The following BTAF1 variants were observed in gnomAD, a reference collection of about 807,000 sequenced individuals.
BTAF1 encodes TATA-binding protein-associated factor 172.
A neutral mutation model predicts 227.1 loss-of-function variants in BTAF1; 38 were observed. The observed-to-expected ratio is 0.17, with a 90% CI of 0.13 to 0.22. BTAF1 has a LOEUF of 0.22. Among genes scored for constraint, BTAF1 ranks in the 10% least tolerant of loss-of-function variants. BTAF1 has a pLI of 1.00. For synonymous variants in BTAF1, 742 were observed against 751.9 expected (o/e 0.99, Z 0.21); for missense variants, 1,598 against 2,204.0 (o/e 0.73, Z 5.51).
intron 13 of BTAF1, among the ~76,000 whole-genome samples, chr10:91,965,254 C>A (rs1846819358): frequency 6.6e-6 from 1 of 151,970 alleles, no homozygotes; most frequent in Non-Finnish European, 1.5e-5. Context: ...ATGTGAAAGC[C>A]CTCTTTAAGC....
intron 22 of BTAF1, 26 bp from the exon 23 acceptor site, chr10:91,994,509 A>G: frequency 6.5e-7 from 1 of 1,538,380 alleles, no homozygotes; most frequent in East Asian, 2.3e-5. Flanking sequence ...TATTTGCCAG[A>G]TAATACAGAC....
chr10:91,996,268 C>A, intron 23 of BTAF1, 101 bp from the exon 24 acceptor site: 1 of 933,018 alleles, frequency 1.1e-6, no homozygotes, highest in Non-Finnish European at 1.6e-6. Context: ...TTTTTAGAGT[C>A]ACTTAGAATA....
At chr10:92,025,243 C>CT (rs888157678) in intron 35 of BTAF1, among the ~76,000 whole-genome samples, 6 of 152,140 alleles carry the variant, frequency 3.9e-5, no homozygotes, top group African/African-American at 1.4e-4. Context: ...AGGATAACTA[C>CT]TTTCCCCCTT....
In BTAF1 at chr10:92,024,748, T is replaced by A; in HGVS notation, c.4864-8T>A. 6.3e-7 allele frequency: 1 copy of A among 1,587,908 alleles called. No homozygotes were observed. The highest frequency in any genetic ancestry group is 8.5e-7 in the Non-Finnish European group (1 of 1,172,724). The stretch of plus-strand genomic sequence containing the variant: ...GCTTATGTAGTTTTTTTTTTTTTTC[T>A]TCCTAAGTTGCTGTTGGACTGCGGT... On this transcript the variant is annotated splice_polypyrimidine_tract_variant and splice_region_variant and intron_variant, in intron 34 of 37. Coordinates refer to ENST00000265990, the MANE Select transcript of BTAF1 (RefSeq NM_003972.3).
At chr10:91,969,373 A>C (rs771333604) in intron 14 of BTAF1, among the ~76,000 whole-genome samples, 7 of 152,172 alleles carry the variant, frequency 4.6e-5, no homozygotes, top group African/African-American at 7.2e-5. Flanking sequence ...AATGACTGCC[A>C]CAGTAGATCA....
At chr10:91,991,115 AG>A in intron 20 of BTAF1, among the ~76,000 whole-genome samples, 1 of 149,944 alleles carries the variant, frequency 6.7e-6, no homozygotes, top group Non-Finnish European at 1.5e-5. Context: ...GCATGGTGGC[AG>A]GCACCTGTAG....
chr10:91,966,998 G>A (rs910697290), intron 14 of BTAF1, among the ~76,000 whole-genome samples: 4 of 152,190 alleles, frequency 2.6e-5, no homozygotes, highest in Admixed American at 2.0e-4. Flanking sequence ...CTCAGTAAAT[G>A]TTTGTTGAAT....
intron 24 of BTAF1, among the ~76,000 whole-genome samples, chr10:91,996,885 T>C (rs1424770854): frequency 1.3e-5 from 2 of 152,190 alleles, no homozygotes; most frequent in Admixed American, 1.3e-4. Context: ...GATTTATTTG[T>C]TTATAATCAG....
chr10:91,993,944 C>G (rs1048752289), intron 22 of BTAF1, 97 bp downstream of exon 22: 1 of 907,580 alleles, frequency 1.1e-6, no homozygotes, highest in Admixed American at 3.8e-5. Flanking sequence ...ATGCCTCTAC[C>G]TGTTTATTCC....
intron 28 of BTAF1, among the ~76,000 whole-genome samples, chr10:92,010,651 G>T (rs1850233892): frequency 6.6e-6 from 1 of 152,174 alleles, no homozygotes; most frequent in African/African-American, 2.4e-5. Context: ...GACTGGCCTT[G>T]TTTGGGTCAT....
rs1850728767 is a variant in BTAF1, at chr10:92,016,417, T to A, written c.4662T>A (p.Ser1554=). 6.3e-7 allele frequency: 1 copy of A among 1,595,822 alleles called. No homozygotes were observed. The highest frequency in any genetic ancestry group is 8.5e-7 in the Non-Finnish European group (1 of 1,173,306). ...VDETVSSATL[S]EETEKPKLKA... ...AAACAGTTTCTTCAGCTACACTTTC[T>A]GAAGAAACTGAAAAACCAAAGCTTA... is the stretch of plus-strand genomic sequence containing the variant. Residue 1554 remains serine (S), a synonymous_variant, in exon 33 of 38, where the codon TCT becomes TCA. Coordinates refer to ENST00000265990, the MANE Select transcript of BTAF1 (RefSeq NM_003972.3).
chr10:92,022,741 AC>A (rs1851228952), intron 34 of BTAF1, among the ~76,000 whole-genome samples: 1 of 152,152 alleles, frequency 6.6e-6, no homozygotes, highest in African/African-American at 2.4e-5. Flanking sequence ...TATACTGCGT[AC>A]CACATAGTCA....
chr10:91,966,383 G>T (rs1344678648), intron 13 of BTAF1, among the ~76,000 whole-genome samples: 9 of 152,188 alleles, frequency 5.9e-5, no homozygotes, highest in African/African-American at 2.2e-4. Flanking sequence ...TAGTGCCATA[G>T]AAGAACCTGA....
intron 34 of BTAF1, among the ~76,000 whole-genome samples, chr10:92,020,394 C>T (rs1240455358): frequency 6.6e-6 from 1 of 152,138 alleles, no homozygotes; most frequent in Non-Finnish European, 1.5e-5. Context: ...AAAATGTTAG[C>T]ACTATGCCAT....
At chr10:91,982,844 G>T in intron 18 of BTAF1, 83 bp downstream of exon 18, 1 of 1,361,082 alleles carries the variant, frequency 7.3e-7, no homozygotes, top group Non-Finnish European at 9.8e-7. Flanking sequence ...CAACAGAAAA[G>T]TGAAAATTTT....
rs1163129849 is a variant in BTAF1, at chr10:91,935,663, T to A, written c.21T>A (p.Asp7Glu). The A allele has an allele frequency of 1.2e-6, 2 of 1,612,404 alleles. No homozygotes were observed. Among genetic ancestry groups the A allele is most frequent in the Non-Finnish European group, 1.7e-6 (2 of 1,179,312 alleles). Residue 7 changes from aspartate to glutamate, a missense_variant, in exon 2 of 38, where the codon GAT (aspartate) becomes GAA (glutamate). This residue lies in a region of BTAF1 where 298 missense variants were observed against 395.2 expected (regional missense o/e 0.75). Transcript: ENST00000265990. ...TGTATTTTTGTTATTTCAGGCTAGA[T>A]CGCCTTTTTATTTTACTGGATACTG... MAVSRL[D>E]RLFILLDTGT...
Position 91,951,431 on chromosome 10 carries a change from A to G in BTAF1, c.429A>G (p.Ala143=). Residue 143 remains alanine, a synonymous_variant, in exon 5 of 38, where the codon GCA becomes GCG. Transcript: ENST00000265990. ...AAGTGGATCCTAAAGAGAGGATAGC[A>G]CGCCAACGAAAATTATTACAGAAGA... is the stretch of plus-strand genomic sequence containing the variant. The part of the protein sequence containing the change: ...SGEVDPKERI[A]RQRKLLQKKL... 1 of 1,612,818 alleles carries G rather than the reference A, an allele frequency of 6.2e-7. No individual in the cohort carries two copies. The highest frequency in any genetic ancestry group is 8.5e-7 in the Non-Finnish European group (1 of 1,179,646).
intron 9 of BTAF1, 67 bp from the exon 10 acceptor site, chr10:91,959,718 A>G (rs988123942): frequency 3.5e-5 from 12 of 346,578 alleles, no homozygotes; most frequent in East Asian, 1.3e-4. Flanking sequence ...TGTTAAAAAA[A>G]TGTGTGTGTG....
At chr10:91,957,384 C>T in intron 8 of BTAF1, 91 bp downstream of exon 8, 1 of 1,003,136 alleles carries the variant, frequency 1.0e-6, no homozygotes, top group Non-Finnish European at 1.5e-6. Flanking sequence ...GTCAGAGTCC[C>T]TATTCTTCTC....
Sources: gnomAD v4.1 joint callset for allele counts (sites outside exome capture counted in the v4.1 genomes callset) on GRCh38, gnomAD v4.1.1 for gene constraint, gnomAD v4.1.1 regional missense constraint, MANE v1.5 for transcripts, NCBI Gene and HGNC (gene_info 2026-07-23, HGNC 2026-07-21) for gene names.